Variants in STXBP5 observed in about 807,000 individuals in gnomAD.
The protein encoded by STXBP5 is syntaxin-binding protein 5.
STXBP5 carries 50 observed loss-of-function variants against 152.4 expected under a neutral mutation model. That is an observed-to-expected ratio of 0.33 (90% CI 0.26 to 0.42). The LOEUF (loss-of-function observed/expected upper bound fraction) is 0.42, where lower values mean the gene tolerates loss of function less well. Ranked by LOEUF, STXBP5 falls within the 10% of genes least tolerant of loss-of-function variation. STXBP5 has a pLI of 1.00. For synonymous variants in STXBP5, 492 were observed against 494.7 expected, an observed-to-expected ratio of 0.99 and a Z score of 0.07; for missense variants, 1,167 against 1,388.6, an observed-to-expected ratio of 0.84 and a Z score of 2.54.
At chr6:147,222,887 A>C (rs1052691412) in intron 2 of STXBP5, among the ~76,000 whole-genome samples, 1 of 152,222 alleles carries the variant, frequency 6.6e-6, no homozygotes, top group Non-Finnish European at 1.5e-5. Flanking sequence ...GCCTCCGGCT[A>C]TTCCTCAGTT....
chr6:147,260,003 A>G (rs1779567953), intron 4 of STXBP5, among the ~76,000 whole-genome samples: 1 of 152,206 alleles, frequency 6.6e-6, no homozygotes. Context: ...AATATATTTC[A>G]GAAACATTGT....
chr6:147,222,649 A>C (rs1005519916), intron 2 of STXBP5, among the ~76,000 whole-genome samples: 1 of 152,154 alleles, frequency 6.6e-6, no homozygotes, highest in Admixed American at 6.6e-5. Flanking sequence ...GCTCTCGTAA[A>C]AGTGTTATTT....
intron 6 of STXBP5, among the ~76,000 whole-genome samples, chr6:147,265,667 G>C (rs537646290): frequency 2.4e-4 from 37 of 152,006 alleles, no homozygotes; most frequent in African/African-American, 8.2e-4. Flanking sequence ...GGGCCTGGGG[G>C]TACACTGTGG....
At chr6:147,224,676 G>A (rs754749059) in intron 2 of STXBP5, among the ~76,000 whole-genome samples, 4 of 152,116 alleles carry the variant, frequency 2.6e-5, no homozygotes, top group Non-Finnish European at 5.9e-5. Context: ...AATGTATCAT[G>A]TACTGCTGCT....
At chr6:147,368,827 T>A (rs1417063649) in intron 25 of STXBP5, among the ~76,000 whole-genome samples, 1 of 151,982 alleles carries the variant, frequency 6.6e-6, no homozygotes, top group Non-Finnish European at 1.5e-5. Context: ...ATTGATATTT[T>A]AAAAACCATA....
intron 4 of STXBP5, among the ~76,000 whole-genome samples, chr6:147,247,485 C>G (rs917734790): frequency 2.6e-5 from 4 of 152,118 alleles, no homozygotes; most frequent in African/African-American, 9.7e-5. Flanking sequence ...ATCACATATT[C>G]AAGCACAATT....
intron 2 of STXBP5, among the ~76,000 whole-genome samples, chr6:147,208,522 A>G (rs538125102): frequency 2.8e-4 from 42 of 152,192 alleles, no homozygotes; most frequent in African/African-American, 7.9e-4. Context: ...GATCTTTTGT[A>G]TATTTTCCTA....
chr6:147,351,823 A>G (rs938329969), intron 21 of STXBP5: 2 of 984,962 alleles, frequency 2.0e-6, no homozygotes, highest in Non-Finnish European at 2.4e-6. Context: ...TGGATTTGTC[A>G]TTTTTTTAGA....
chr6:147,218,622 A>G (rs1777301243), intron 2 of STXBP5, among the ~76,000 whole-genome samples: 1 of 152,080 alleles, frequency 6.6e-6, no homozygotes, highest in African/African-American at 2.4e-5. Context: ...CTGGGACCAC[A>G]GGTGCACACC....
intron 2 of STXBP5, among the ~76,000 whole-genome samples, chr6:147,209,301 A>G (rs1329680016): frequency 2.6e-5 from 4 of 152,144 alleles, no homozygotes; most frequent in African/African-American, 7.2e-5. Context: ...ATACAGTGAA[A>G]TAGACAATCT....
intron 3 of STXBP5, among the ~76,000 whole-genome samples, chr6:147,236,414 A>G (rs995034662): frequency 6.6e-6 from 1 of 152,100 alleles, no homozygotes; most frequent in African/African-American, 2.4e-5. Flanking sequence ...CATTATACTC[A>G]TGGTTAAGTT....
At chr6:147,249,083 C>G (rs1778961984) in intron 4 of STXBP5, among the ~76,000 whole-genome samples, 1 of 152,124 alleles carries the variant, frequency 6.6e-6, no homozygotes, top group Admixed American at 6.5e-5. Flanking sequence ...AGATTCTTTC[C>G]CAGCACTTCC....
At chr6:147,258,807 A>T (rs1779507962) in intron 4 of STXBP5, among the ~76,000 whole-genome samples, 1 of 152,058 alleles carries the variant, frequency 6.6e-6, no homozygotes, top group Admixed American at 6.5e-5. Flanking sequence ...TGTATTATAT[A>T]AAATCTTTCA....
intron 7 of STXBP5, among the ~76,000 whole-genome samples, chr6:147,274,444 C>G (rs1442246366): frequency 6.6e-6 from 1 of 152,066 alleles, no homozygotes; most frequent in Non-Finnish European, 1.5e-5. Context: ...TAACTTTTAT[C>G]AACTACCTTA....
chr6:147,342,451 G>A (rs1784135715), intron 21 of STXBP5, among the ~76,000 whole-genome samples: 1 of 152,160 alleles, frequency 6.6e-6, no homozygotes, highest in African/African-American at 2.4e-5. Flanking sequence ...TTAGTCTTGT[G>A]AGTTTGACAG....
chr6:147,254,909 T>C (rs1779280178), intron 4 of STXBP5, among the ~76,000 whole-genome samples: 1 of 152,210 alleles, frequency 6.6e-6, no homozygotes, highest in Non-Finnish European at 1.5e-5. Flanking sequence ...GACAGTGTGG[T>C]GATTCCTCAA....
intron 2 of STXBP5, 52 bp downstream of exon 2, chr6:147,206,120 CTT>C: frequency 6.7e-7 from 1 of 1,496,866 alleles, no homozygotes; most frequent in Non-Finnish European, 9.3e-7. Context: ...CTCCCCAGTC[CTT>C]CTGTGTTGCT....
intron 22 of STXBP5, among the ~76,000 whole-genome samples, chr6:147,353,868 C>T (rs1784701327): frequency 6.6e-6 from 1 of 152,080 alleles, no homozygotes; most frequent in Non-Finnish European, 1.5e-5. Context: ...ACTTTCTGTG[C>T]AATTCATTTA....
intron 22 of STXBP5, among the ~76,000 whole-genome samples, chr6:147,353,709 T>C (rs1325039719): frequency 6.6e-6 from 1 of 152,180 alleles, no homozygotes; most frequent in Non-Finnish European, 1.5e-5. Context: ...TGAAAACCTA[T>C]TTTGAACTTT....
Sources: gnomAD v4.1 joint callset for allele counts (sites outside exome capture counted in the v4.1 genomes callset) on GRCh38, gnomAD v4.1.1 for gene constraint, MANE v1.5 for transcripts, NCBI Gene and HGNC (gene_info 2026-07-23, HGNC 2026-07-21) for gene names.